CHLSN: variants seen among roughly 807,000 people sequenced by gnomAD.
The protein encoded by CHLSN is protein cholesin.
At chr7:1,016,009 G>A in the CHLSN span, among the ~76,000 whole-genome samples, 2 of 151,476 alleles carry the variant, frequency 1.3e-5, no homozygotes, top group Non-Finnish European at 2.9e-5. Flanking sequence ...GTCACATGAG[G>A]ATCCCAGACA....
chr7:996,551 G>T, the CHLSN span, among the ~76,000 whole-genome samples: 3,249 of 152,334 alleles, frequency 0.021, 47 homozygotes, highest in Non-Finnish European at 0.03. Context: ...GGCCCAGACC[G>T]GAGCCACTGG....
the CHLSN span, among the ~76,000 whole-genome samples, chr7:1,043,078 C>T: frequency 6.7e-6 from 1 of 148,548 alleles, no homozygotes; most frequent in Admixed American, 6.7e-5. Flanking sequence ...ATGGTGAAAC[C>T]CCATCTCTAC....
the CHLSN span, chr7:1,057,863 C>G: frequency 1.3e-6 from 1 of 777,570 alleles, no homozygotes; most frequent in Non-Finnish European, 2.4e-6. Context: ...CACTGGTGGC[C>G]ATGTACTCCA....
chr7:1,039,052 G>A, the CHLSN span, among the ~76,000 whole-genome samples: 40 of 81,986 alleles, frequency 4.9e-4, no homozygotes, highest in African/African-American at 9.7e-4. Context: ...CGTCCGGGAG[G>A]GAGGTGGGGG....
chr7:1,123,770 G>A, the CHLSN span, among the ~76,000 whole-genome samples: 3 of 151,882 alleles, frequency 2.0e-5, no homozygotes, highest in African/African-American at 7.3e-5. This position sits in a 1 kb window ranked among gnomAD's most constrained non-coding sequence, Gnocchi z 4.4. Context: ...CCGGAAACTG[G>A]CCACAGGGGC....
chr7:1,028,562 C>G, the CHLSN span: 1 of 985,042 alleles, frequency 1.0e-6, no homozygotes, highest in Non-Finnish European at 1.2e-6. Flanking sequence ...CCGCCCGGGT[C>G]TCCGGTCCAC....
the CHLSN span, among the ~76,000 whole-genome samples, chr7:1,032,205 G>A: frequency 6.6e-6 from 1 of 152,206 alleles, no homozygotes; most frequent in African/African-American, 2.4e-5. Flanking sequence ...CCACGGGGCT[G>A]CCCCAACACG....
chr7:1,054,137 C>T, the CHLSN span, among the ~76,000 whole-genome samples: 9 of 152,232 alleles, frequency 5.9e-5, no homozygotes, highest in East Asian at 5.8e-4. Context: ...CGGAGCAGCC[C>T]GCCCCAGCTG....
the CHLSN span, among the ~76,000 whole-genome samples, chr7:1,084,285 G>A: frequency 7.9e-5 from 12 of 152,342 alleles, no homozygotes; most frequent in Middle Eastern, 3.4e-3. Context: ...GGCGGGGGAC[G>A]CCAGCGATGC....
chr7:1,063,715 T>C, the CHLSN span, among the ~76,000 whole-genome samples: 1 of 152,238 alleles, frequency 6.6e-6, no homozygotes. Context: ...GATTAAGGCA[T>C]TTCCCATCTT....
the CHLSN span, among the ~76,000 whole-genome samples, chr7:1,136,633 T>C: frequency 6.9e-6 from 1 of 144,704 alleles, no homozygotes; most frequent in Non-Finnish European, 1.5e-5. Flanking sequence ...AAAATAAATA[T>C]ATATATGCGG....
chr7:1,081,298 T>C, the CHLSN span, among the ~76,000 whole-genome samples: 2 of 152,180 alleles, frequency 1.3e-5, no homozygotes, highest in Non-Finnish European at 2.9e-5. Flanking sequence ...TTGAGAGGGC[T>C]TCGGGGATAA....
chr7:1,073,475 C>G, the CHLSN span, among the ~76,000 whole-genome samples: 1 of 152,170 alleles, frequency 6.6e-6, no homozygotes, highest in Non-Finnish European at 1.5e-5. Flanking sequence ...CAGCATCGAC[C>G]TGCTGCTCCT....
the CHLSN span, among the ~76,000 whole-genome samples, chr7:1,052,655 G>A: frequency 6.6e-6 from 1 of 152,238 alleles, no homozygotes; most frequent in East Asian, 1.9e-4. The surrounding 1 kb of genome is among the most constrained non-coding windows in gnomAD (Gnocchi z 4.2). Flanking sequence ...CTGGCCTGGA[G>A]GAGAGGCCCA....
At chr7:1,016,210 C>T in the CHLSN span, among the ~76,000 whole-genome samples, 3 of 84,846 alleles carry the variant, frequency 3.5e-5, no homozygotes, top group Admixed American at 1.2e-4. Context: ...CGCACGCCAG[C>T]ACACAGCAGC....
chr7:1,032,752 C>A, the CHLSN span, among the ~76,000 whole-genome samples: 1 of 152,204 alleles, frequency 6.6e-6, no homozygotes, highest in African/African-American at 2.4e-5. Context: ...CAGGCAGGGG[C>A]AGGAAAACCA....
chr7:1,023,330 G>A, the CHLSN span, among the ~76,000 whole-genome samples: 2 of 152,298 alleles, frequency 1.3e-5, 1 homozygote, highest in Middle Eastern at 6.8e-3. The surrounding 1 kb of genome is among the most constrained non-coding windows in gnomAD (Gnocchi z 5.0). Context: ...GCGGAAGCTC[G>A]TGTCAGCTGG....
the CHLSN span, chr7:1,057,933 AGC>A: frequency 1.3e-6 from 1 of 774,148 alleles, no homozygotes; most frequent in Non-Finnish European, 2.4e-6. Context: ...CTACATGGCC[AGC>A]GTGTACAACA....
At chr7:997,677 G>C in the CHLSN span, 26 of 1,610,502 alleles carry the variant, frequency 1.6e-5, no homozygotes, top group African/African-American at 3.1e-4. Context: ...CCCCGGCAGG[G>C]GGGGATCAGA....
Sources: allele counts gnomAD v4.1 joint callset (sites outside exome capture counted in the v4.1 genomes callset), GRCh38; gene constraint gnomAD v4.1.1; non-coding constraint Gnocchi (gnomAD v3.1); transcripts MANE v1.5; gene names NCBI Gene and HGNC (gene_info 2026-07-23, HGNC 2026-07-21).